LRP1B: variants seen among roughly 807,000 people sequenced by gnomAD.
LRP1B encodes the protein low-density lipoprotein receptor-related protein 1B.
LRP1B carries 217 observed loss-of-function variants against 556.6 expected under a neutral mutation model. The observed-to-expected ratio is 0.39, with a 90% CI of 0.35 to 0.44. The LOEUF is 0.44. Among genes scored for constraint, LRP1B ranks in the 20% least tolerant of loss-of-function variants. The probability of loss-of-function intolerance (pLI) is 1.00; values close to 1 mark genes in which losing one functional copy is unlikely to be tolerated. For missense variants in LRP1B, 5,053 were observed against 5,620.8 expected (o/e 0.90, Z 3.23); for synonymous variants, 2,047 against 1,865.8 (o/e 1.10, Z -2.50).
intron 2 of LRP1B, among the ~76,000 whole-genome samples, chr2:141,495,515 C>A (rs540783481): frequency 6.6e-6 from 1 of 152,224 alleles, no homozygotes; most frequent in Non-Finnish European, 1.5e-5. Flanking sequence ...TGAAAAGGTT[C>A]TTTTCTACAG....
At chr2:141,631,256 C>T (rs1688896708) in intron 2 of LRP1B, among the ~76,000 whole-genome samples, 1 of 152,016 alleles carries the variant, frequency 6.6e-6, no homozygotes, top group Admixed American at 6.5e-5. Flanking sequence ...AGGGTAACTG[C>T]CCCTATGCTT....
At chr2:140,668,105 G>A (rs1476280496) in intron 41 of LRP1B, among the ~76,000 whole-genome samples, 1 of 152,002 alleles carries the variant, frequency 6.6e-6, no homozygotes, top group Non-Finnish European at 1.5e-5. Flanking sequence ...GACGTCAGGA[G>A]ATCGAGACCA....
At chr2:141,265,234 G>A (rs541740122) in intron 3 of LRP1B, among the ~76,000 whole-genome samples, 1 of 152,290 alleles carries the variant, frequency 6.6e-6, no homozygotes, top group Admixed American at 6.5e-5. Flanking sequence ...GAGGTGGAAG[G>A]ACACACACCC....
chr2:141,641,681 T>A (rs1262709903), intron 2 of LRP1B, among the ~76,000 whole-genome samples: 1 of 152,122 alleles, frequency 6.6e-6, no homozygotes, highest in Admixed American at 6.6e-5. Context: ...GTCATGTACA[T>A]GCTACAGCCT....
intron 6 of LRP1B, among the ~76,000 whole-genome samples, chr2:141,202,084 A>C (rs923905510): frequency 6.6e-6 from 1 of 152,180 alleles, no homozygotes; most frequent in Non-Finnish European, 1.5e-5. Flanking sequence ...CCCAGCATCC[A>C]CTAGCTATTC....
intron 7 of LRP1B, among the ~76,000 whole-genome samples, chr2:141,084,941 G>A (rs112480234): frequency 0.013 from 1,904 of 152,202 alleles, 37 homozygotes; most frequent in African/African-American, 0.044. Context: ...GAGCCACCGC[G>A]CCCGGCCTCT....
At chr2:141,160,625 T>TA (rs1389392327) in intron 7 of LRP1B, among the ~76,000 whole-genome samples, 1 of 151,916 alleles carries the variant, frequency 6.6e-6, no homozygotes, top group Non-Finnish European at 1.5e-5. Context: ...TCACGGGCCT[T>TA]ATGCTGACTT....
rs989580809 is a variant in LRP1B, at chr2:141,573,284, A to G, written c.206-92751T>C. On this transcript the variant is annotated intron_variant, in intron 2 of 90. Transcript: ENST00000389484. Reference sequence around the variant, plus strand: ...GCAATCTAATTCAAATTCAGAATTAATAAAGTCACTCAAAACCACACAGTT... The same window carrying G: ...GCAATCTAATTCAAATTCAGAATTAGTAAAGTCACTCAAAACCACACAGTT... 5.9e-5 allele frequency among the ~76,000 whole-genome samples: 9 copies of G among 152,214 alleles called. No individual in the cohort carries two copies. In the South Asian group the frequency reaches 1.9e-3, roughly 31 times the overall value.
intron 1 of LRP1B, among the ~76,000 whole-genome samples, chr2:142,071,230 T>C (rs944071167): frequency 2.6e-4 from 40 of 151,998 alleles, no homozygotes; most frequent in Non-Finnish European, 5.0e-4. Flanking sequence ...TTTAACTGGT[T>C]GGTAGGCAGC....
At chr2:141,964,883 T>C (rs1701510551) in intron 1 of LRP1B, among the ~76,000 whole-genome samples, 1 of 149,802 alleles carries the variant, frequency 6.7e-6, no homozygotes, top group African/African-American at 2.4e-5. Flanking sequence ...TACAATGAAC[T>C]CAAACAAATT....
intron 11 of LRP1B, among the ~76,000 whole-genome samples, chr2:141,042,934 G>A (rs1350902156): frequency 6.6e-6 from 1 of 151,088 alleles, no homozygotes; most frequent in Non-Finnish European, 1.5e-5. Flanking sequence ...GTTGGGGACT[G>A]TAATCCCAGC....
At chr2:141,795,400 G>A (rs968815312) in intron 2 of LRP1B, among the ~76,000 whole-genome samples, 7 of 152,128 alleles carry the variant, frequency 4.6e-5, no homozygotes, top group East Asian at 1.9e-4. Flanking sequence ...TTGCACATGC[G>A]TGAGTGTGCA....
At chr2:141,664,511 C>G (rs1558790055) in intron 2 of LRP1B, among the ~76,000 whole-genome samples, 3 of 152,160 alleles carry the variant, frequency 2.0e-5, no homozygotes. Context: ...TCAGCAAAGT[C>G]TCAGGATACA....
Position 140,716,709 on chromosome 2 carries a change from C to T in LRP1B, c.5866G>A (p.Glu1956Lys), listed in dbSNP as rs2105464080. The T allele has an allele frequency of 6.2e-7, 1 of 1,611,880 alleles. No individual in the cohort carries two copies. The highest frequency in any genetic ancestry group is 8.5e-7 in the Non-Finnish European group (1 of 1,178,712). Residue 1956 changes from glutamate to lysine, a missense_variant, in exon 36 of 91, where the codon GAA (glutamate) becomes AAA (lysine). Physicochemically the swap from Glu to Lys is moderately conservative, Grantham distance 56. Around this residue, in one of 5 missense-constraint regions of LRP1B, gnomAD observed 3,619 missense variants for 3,931.9 expected, o/e 0.92. Coordinates refer to ENST00000389484, the MANE Select transcript of LRP1B (RefSeq NM_018557.3). Reference protein sequence around the residue: ...DIITNGLGRVEGIAVDWIAGN... With the variant: ...DIITNGLGRVKGIAVDWIAGN... ...GCAATCCAGTCAACAGCTATCCCTT[C>T]CACTCTTCCCAAGCCATTGGTAATG...
intron 6 of LRP1B, among the ~76,000 whole-genome samples, chr2:141,215,446 G>T (rs937434395): frequency 1.8e-4 from 28 of 152,202 alleles, no homozygotes; most frequent in Non-Finnish European, 2.8e-4. Flanking sequence ...AAATGTGAAA[G>T]TGACTTTGGA....
chr2:141,397,903 C>T (rs1690301931), intron 3 of LRP1B, among the ~76,000 whole-genome samples: 2 of 149,076 alleles, frequency 1.3e-5, no homozygotes, highest in South Asian at 4.2e-4. Context: ...TCTATATATA[C>T]ACACACATAT....
intron 7 of LRP1B, among the ~76,000 whole-genome samples, chr2:141,080,301 G>T (rs959914212): frequency 6.6e-6 from 1 of 152,148 alleles, no homozygotes; most frequent in Non-Finnish European, 1.5e-5. Flanking sequence ...AAGTTCTGCT[G>T]TCTGGTATTC....
chr2:141,461,851 T>C (rs567272156), intron 3 of LRP1B, among the ~76,000 whole-genome samples: 6 of 152,320 alleles, frequency 3.9e-5, no homozygotes, highest in African/African-American at 1.4e-4. Context: ...CATGAGGATG[T>C]TGAAGTGAAT....
intron 21 of LRP1B, among the ~76,000 whole-genome samples, chr2:140,918,653 G>T (rs559729574): frequency 5.3e-5 from 8 of 152,026 alleles, no homozygotes; most frequent in Non-Finnish European, 1.2e-4. Flanking sequence ...TTTCTTATAG[G>T]TGTTATAGAC....
Sources: allele counts gnomAD v4.1 joint callset (sites outside exome capture counted in the v4.1 genomes callset), GRCh38; gene constraint gnomAD v4.1.1; regional missense constraint gnomAD v4.1.1; transcripts MANE v1.5; gene names NCBI Gene and HGNC (gene_info 2026-07-23, HGNC 2026-07-21).